Variants in ELMO3 observed in about 807,000 individuals in gnomAD.
ELMO3 encodes the protein engulfment and cell motility protein 3.
A neutral mutation model predicts 89.0 loss-of-function variants in ELMO3; 81 were observed. That is an observed-to-expected ratio of 0.91 (90% confidence interval 0.76 to 1.09). The LOEUF is 1.09. Ranked by LOEUF, ELMO3 falls within the 50% of genes least tolerant of loss-of-function variation. The pLI is 0.00. For missense variants in ELMO3, 959 were observed against 972.8 expected (o/e 0.99, Z 0.19); for synonymous variants, 406 against 400.6 (o/e 1.01, Z -0.16).
chr16:67,202,736 G>A lies in ELMO3; in HGVS notation c.1508G>A (p.Arg503Gln), dbSNP rs370963737. 1.2e-5 allele frequency: 19 copies of A among 1,613,670 alleles called. No individual in the cohort carries two copies. The highest frequency in any genetic ancestry group is 4.5e-5 in the East Asian group (2 of 44,870). The change falls in exon 15 of 20, where the codon CGG becomes CAG. Residue 503 changes from arginine (R) to glutamine (Q), a missense_variant. By Grantham distance (43) the Arg-to-Gln change is conservative. Transcript: ENST00000393997. ...GCGCTCACTTATGGGGAGGTGCTGCGGCTGCGGCAGACTGAACGGCTGCAC... is the reference window on the plus strand; with the variant it reads ...GCGCTCACTTATGGGGAGGTGCTGCAGCTGCGGCAGACTGAACGGCTGCAC... ...VNALTYGEVLRLRQTERLHQE... is the reference protein window; with the variant it reads ...VNALTYGEVLQLRQTERLHQE...
chr16:67,199,162 C>A lies in ELMO3; in HGVS notation c.-165C>A. On this transcript the variant is annotated 5_prime_UTR_variant, in exon 1 of 20. Coordinates refer to ENST00000393997, the MANE Select transcript of ELMO3 (RefSeq NM_024712.5). ...AACCTCGGCTCCCTTGGGAAGGCCG[C>A]GTTGCATGGCCAGGAGCAGCAGTCT... 1.2e-6 allele frequency: 2 copies of A among 1,607,976 alleles called. No individual in the cohort carries two copies. The highest frequency in any genetic ancestry group is 1.7e-6 in the Non-Finnish European group (2 of 1,179,138).
rs1482164754 is a variant in ELMO3 at position 67,200,437 on chromosome 16, T to C, written c.414-14T>C. The C allele has an allele frequency of 6.2e-7, 1 of 1,611,696 alleles. No individual in the cohort carries two copies. Among genetic ancestry groups the C allele is most frequent in the African/African-American group, 1.3e-5 (1 of 74,948 alleles). On this transcript the variant is annotated splice_polypyrimidine_tract_variant and intron_variant, in intron 5 of 19. Coordinates refer to ENST00000393997, the MANE Select transcript of ELMO3 (RefSeq NM_024712.5). ...TGGGGTGGTCCTGCTCAGCCCCAGA[T>C]GTCCCCCCTCCAGCCTAGGAGAGGT... is the stretch of plus-strand genomic sequence containing the variant.
In ELMO3 at chr16:67,202,671, G is replaced by C. The variant is rs1382003990; in HGVS notation, c.1443G>C (p.Leu481=). Residue 481 remains leucine (L), a synonymous_variant, in exon 15 of 20, where the codon CTG becomes CTC. Transcript: ENST00000393997. The stretch of plus-strand genomic sequence containing the variant: ...AGCAGCTGGCCCGCACTCTGGCCCT[G>C]AAGCCCACTTCCCTGGAGCTCTTCC... ...VREQLARTLA[L]KPTSLELFRT... The C allele has an allele frequency of 6.2e-7, 1 of 1,613,048 alleles. No homozygotes were observed. Among genetic ancestry groups the C allele is most frequent in the Non-Finnish European group, 8.5e-7 (1 of 1,179,856 alleles).
rs1262738972 is a variant in ELMO3, at chr16:67,203,568, C to T, written c.1935C>T (p.Ala645=). Residue 645 remains alanine, a synonymous_variant, in exon 19 of 20, where the codon GCC becomes GCT. Transcript: ENST00000393997. The surrounding 1 kb of genome is among the most constrained non-coding windows in gnomAD (Gnocchi z 4.6). Reference sequence around the variant, plus strand: ...AGGAAGCGTACCTCAACTTCATTGCCCCCTCCAAGCGGGAGGTGAGTGTCC... The same window carrying T: ...AGGAAGCGTACCTCAACTTCATTGCTCCCTCCAAGCGGGAGGTGAGTGTCC... ...GEEEAYLNFI[A]PSKREFYLWT... 1 of 1,614,114 alleles carries T rather than the reference C, an allele frequency of 6.2e-7. No homozygotes were observed. Among genetic ancestry groups the T allele is most frequent in the South Asian group, 1.1e-5 (1 of 91,076 alleles).
Position 67,199,235 on chromosome 16 carries a change from C to T in ELMO3, c.-92C>T, listed in dbSNP as rs1597278500. ...AGGTCAGGTCTCGGAAAGGGAGGAC[C>T]TCCTCGTCCCCAGGGGCCCCAGGCC... On this transcript the variant is annotated 5_prime_UTR_variant, in exon 1 of 20. Transcript: ENST00000393997. 5 of 1,611,370 alleles carry T rather than the reference C, an allele frequency of 3.1e-6. No homozygotes were observed. The highest frequency in any genetic ancestry group is 1.3e-5 in the African/African-American group (1 of 75,032).
chr16:67,199,669 C>T lies in ELMO3; in HGVS notation c.120-15C>T, dbSNP rs1383221526. 2 of 1,609,406 alleles carry T rather than the reference C, an allele frequency of 1.2e-6. No individual in the cohort carries two copies. Among genetic ancestry groups the T allele is most frequent in the South Asian group, 1.1e-5 (1 of 90,938 alleles). On this transcript the variant is annotated splice_polypyrimidine_tract_variant and intron_variant, in intron 2 of 19. Transcript: ENST00000393997. ...GGCGCCCCCTGCCGGCCTCGCTGAG[C>T]CTCGTGCCCCTCAGGTGGAGCCTGA... is the stretch of plus-strand genomic sequence containing the variant.
chr16:67,200,726 A>C lies in ELMO3; in HGVS notation c.583A>C (p.Ser195Arg), dbSNP rs2033082600. ...TCCCCTGGCCCTTGGGCTGCTGGAG[A>C]GTGTGACCTTGAGCAGCCCAGCCCT... is the stretch of plus-strand genomic sequence containing the variant. ...VPPLALGLLESVTLSSPALGQ... is the reference protein window; with the variant it reads ...VPPLALGLLERVTLSSPALGQ... Residue 195 changes from serine (S) to arginine (R), a missense_variant, in exon 7 of 20, where the codon AGT (serine) becomes CGT (arginine). Coordinates refer to ENST00000393997, the MANE Select transcript of ELMO3 (RefSeq NM_024712.5). The C allele has an allele frequency of 6.2e-7, 1 of 1,613,520 alleles. No homozygotes were observed. Among genetic ancestry groups the C allele is most frequent in the African/African-American group, 1.3e-5 (1 of 75,008 alleles).
In ELMO3 at chr16:67,200,237, C is replaced by T; in HGVS notation, c.289C>T (p.Pro97Ser). The change falls in exon 5 of 20, where the codon CCT becomes TCT. Residue 97 changes from proline to serine, a missense_variant. Pro to Ser is a moderately conservative substitution (Grantham distance 74). Transcript: ENST00000393997. ...QLLGGLQSNS[P>S]EGRREALRRL... ...CTTGGGTGGGCTGCAGAGTAACAGT[C>T]CTGAAGGGCGCCGGGAAGCCCTGAG... The T allele has an allele frequency of 6.2e-7, 1 of 1,613,708 alleles. No homozygotes were observed. The highest frequency in any genetic ancestry group is 8.5e-7 in the Non-Finnish European group (1 of 1,180,012).
At position 67,199,174 on chromosome 16, in the gene ELMO3, A is replaced by C; in HGVS notation, c.-153A>C. Reference sequence around the variant, plus strand: ...CTTGGGAAGGCCGCGTTGCATGGCCAGGAGCAGCAGTCTGGGCCGCGAGTG... The same window carrying C: ...CTTGGGAAGGCCGCGTTGCATGGCCCGGAGCAGCAGTCTGGGCCGCGAGTG... On this transcript the variant is annotated 5_prime_UTR_variant, in exon 1 of 20. Coordinates refer to ENST00000393997, the MANE Select transcript of ELMO3 (RefSeq NM_024712.5). The C allele has an allele frequency of 6.2e-7, 1 of 1,610,002 alleles. No homozygotes were observed.
Sources: gnomAD v4.1 joint callset for allele counts on GRCh38, gnomAD v4.1.1 for gene constraint, Gnocchi (gnomAD v3.1) non-coding constraint, MANE v1.5 for transcripts, NCBI Gene and HGNC (gene_info 2026-07-23, HGNC 2026-07-21) for gene names.